PLD1: variants seen among roughly 807,000 people sequenced by gnomAD.
PLD1 encodes choline phosphatase 1.
In PLD1, 112 loss-of-function variants were observed where a neutral mutation model predicts 137.1. That is an observed-to-expected ratio of 0.82 (90% CI 0.70 to 0.96). The LOEUF is 0.96. PLD1 is among the 40% of genes least tolerant of loss of function. The pLI is 0.00. For synonymous variants in PLD1, 431 were observed against 454.7 expected, an observed-to-expected ratio of 0.95 and a Z score of 0.66; for missense variants, 1,321 against 1,342.0, an observed-to-expected ratio of 0.98 and a Z score of 0.24.
chr3:171,620,761 T>C (rs1560150973), intron 23 of PLD1, among the ~76,000 whole-genome samples: 1 of 139,916 alleles, frequency 7.1e-6, no homozygotes, highest in African/African-American at 2.8e-5. Flanking sequence ...TATATATATA[T>C]ATATATATTA....
intron 1 of PLD1, among the ~76,000 whole-genome samples, chr3:171,776,395 G>T (rs1056341003): frequency 1.3e-5 from 2 of 152,226 alleles, no homozygotes; most frequent in Non-Finnish European, 2.9e-5. Context: ...GTAAGGCTAA[G>T]AATTTGTTTC....
chr3:171,774,916 G>A (rs1722537441), intron 1 of PLD1, among the ~76,000 whole-genome samples: 1 of 152,156 alleles, frequency 6.6e-6, no homozygotes, highest in Non-Finnish European at 1.5e-5. Flanking sequence ...CCCAGGAGAT[G>A]CAGGCCAGGT....
chr3:171,775,114 T>G (rs151168534), intron 1 of PLD1, among the ~76,000 whole-genome samples: 2 of 152,290 alleles, frequency 1.3e-5, no homozygotes, highest in East Asian at 3.9e-4. Context: ...GATAAAAAAT[T>G]TTATTTTTAT....
At chr3:171,646,854 G>A (rs919055461) in intron 21 of PLD1, among the ~76,000 whole-genome samples, 5 of 152,114 alleles carry the variant, frequency 3.3e-5, no homozygotes, top group Admixed American at 2.6e-4. Context: ...CCACAGCCCA[G>A]TGACAGGAGA....
intron 19 of PLD1, among the ~76,000 whole-genome samples, chr3:171,663,757 T>C (rs879719658): frequency 2.0e-5 from 3 of 152,206 alleles, no homozygotes; most frequent in Non-Finnish European, 2.9e-5. Context: ...AGAATTAGTA[T>C]AAAAATAATA....
In PLD1 at chr3:171,756,892, A is replaced by C. The variant is rs1413184820; in HGVS notation, c.-31-18810T>G. On this transcript the variant is annotated intron_variant, in intron 1 of 26. Coordinates refer to ENST00000351298, the MANE Select transcript of PLD1 (RefSeq NM_002662.5). ...TAAAAATCTTGAATTGTTCACTTTC[A>C]GTGGGTGAATTTCATGGTTTATAAA... Among the ~76,000 whole-genome samples the C allele has an allele frequency of 3.3e-5, 5 of 152,358 alleles. No homozygotes were observed. In the East Asian group the frequency reaches 9.6e-4, roughly 29 times the overall value.
chr3:171,740,717 T>C (rs950170296), intron 1 of PLD1, among the ~76,000 whole-genome samples: 5 of 152,208 alleles, frequency 3.3e-5, no homozygotes, highest in African/African-American at 9.6e-5. Flanking sequence ...TATTCACTTA[T>C]GAAAAACTTG....
At chr3:171,792,938 G>A (rs1050196020) in intron 1 of PLD1, 3 of 318,060 alleles carry the variant, frequency 9.4e-6, no homozygotes. Context: ...CCAAGGAAGT[G>A]GGGCTCTCAA....
At chr3:171,615,257 A>C (rs772872787) in intron 24 of PLD1, among the ~76,000 whole-genome samples, 2 of 152,218 alleles carry the variant, frequency 1.3e-5, no homozygotes, top group African/African-American at 2.4e-5. Context: ...GGTGCTTTTC[A>C]GTGAAGAGAG....
chr3:171,699,106 T>C (rs906362807), intron 12 of PLD1, among the ~76,000 whole-genome samples: 4 of 152,078 alleles, frequency 2.6e-5, no homozygotes, highest in Admixed American at 2.0e-4. Context: ...TTTAAGGGCC[T>C]ATTACATTAA....
chr3:171,679,272 GGCTATTAA>G (rs1169881971), intron 16 of PLD1, among the ~76,000 whole-genome samples: 3 of 152,096 alleles, frequency 2.0e-5, no homozygotes, highest in African/African-American at 7.2e-5. Flanking sequence ...ACCTTTCAAA[GGCTATTAA>G]AGTTTTCTAC....
At chr3:171,774,980 T>C (rs1560297319) in intron 1 of PLD1, among the ~76,000 whole-genome samples, 1 of 152,144 alleles carries the variant, frequency 6.6e-6, no homozygotes, top group Non-Finnish European at 1.5e-5. Context: ...TCACTGACAC[T>C]GAAGGAGCAG....
chr3:171,757,641 T>C (rs1369832659), intron 1 of PLD1, among the ~76,000 whole-genome samples: 1 of 152,220 alleles, frequency 6.6e-6, no homozygotes, highest in Non-Finnish European at 1.5e-5. Context: ...TGCTCAGAAT[T>C]TGATCTGCCA....
chr3:171,806,676 G>A lies in PLD1; in HGVS notation c.-32+3723C>T, dbSNP rs1723860440. Among the ~76,000 whole-genome samples, 3 of 152,178 alleles carry A rather than the reference G, an allele frequency of 2.0e-5. No homozygotes were observed. In the South Asian group the frequency reaches 6.2e-4, roughly 31 times the overall value. On this transcript the variant is annotated intron_variant, in intron 1 of 26. Coordinates refer to ENST00000351298, the MANE Select transcript of PLD1 (RefSeq NM_002662.5). The stretch of plus-strand genomic sequence containing the variant: ...TAGTATCAATCTTTAGTAAACATCT[G>A]GGATGGACAGGAAATTGCTACACAC...
intron 9 of PLD1, among the ~76,000 whole-genome samples, chr3:171,711,167 CTTTTTTTT>C (rs562934959): frequency 1.1e-5 from 1 of 94,808 alleles, no homozygotes; most frequent in African/African-American, 4.4e-5. Context: ...CTGTGCCAGC[CTTTTTTTT>C]TTTTTTTTTT....
intron 1 of PLD1, among the ~76,000 whole-genome samples, chr3:171,746,118 C>T (rs867246366): frequency 4.9e-4 from 74 of 152,328 alleles, no homozygotes; most frequent in Admixed American, 2.9e-3. Flanking sequence ...GCCGCCTCCC[C>T]GCGGGGCAGA....
chr3:171,658,635 G>C (rs528825285), intron 21 of PLD1, among the ~76,000 whole-genome samples: 1 of 152,316 alleles, frequency 6.6e-6, no homozygotes, highest in East Asian at 1.9e-4. Flanking sequence ...GTGGTAGCCA[G>C]AGGCTAAAAA....
At chr3:171,652,732 C>T (rs1736885950) in intron 21 of PLD1, among the ~76,000 whole-genome samples, 1 of 146,348 alleles carries the variant, frequency 6.8e-6, no homozygotes, top group South Asian at 2.2e-4. Flanking sequence ...TCCCGGATGG[C>T]TGGGACCACA....
intron 19 of PLD1, among the ~76,000 whole-genome samples, chr3:171,673,154 T>G (rs1712964697): frequency 6.6e-6 from 1 of 152,236 alleles, no homozygotes; most frequent in African/African-American, 2.4e-5. Context: ...AGAATAAAAT[T>G]AAACAGGTTC....
Sources: gnomAD v4.1 joint callset for allele counts (sites outside exome capture counted in the v4.1 genomes callset) on GRCh38, gnomAD v4.1.1 for gene constraint, MANE v1.5 for transcripts, NCBI Gene and HGNC (gene_info 2026-07-23, HGNC 2026-07-21) for gene names.